The following IL17RA variants were observed in gnomAD, a reference collection of about 807,000 sequenced individuals.
IL17RA encodes interleukin-17 receptor A.
IL17RA carries 34 observed loss-of-function variants against 50.4 expected under a neutral mutation model. That is an observed-to-expected ratio of 0.67 (90% CI 0.51 to 0.90). The LOEUF (loss-of-function observed/expected upper bound fraction) is 0.90, where lower values mean the gene tolerates loss of function less well. IL17RA is among the 40% of genes least tolerant of loss of function. The pLI, the probability that IL17RA is intolerant of heterozygous loss-of-function variation, is 0.00. For synonymous variants in IL17RA, 585 were observed against 510.4 expected (o/e 1.15, Z -1.97); for missense variants, 1,276 against 1,169.8 (o/e 1.09, Z -1.32).
intron 1 of IL17RA, among the ~76,000 whole-genome samples, chr22:17,094,156 G>A (rs2061357423): frequency 6.6e-6 from 1 of 151,776 alleles, no homozygotes; most frequent in South Asian, 2.1e-4. Context: ...GCTAATTTTT[G>A]TATTTTTAGT....
At chr22:17,099,487 T>A (rs2061382103) in intron 4 of IL17RA, among the ~76,000 whole-genome samples, 1 of 152,130 alleles carries the variant, frequency 6.6e-6, no homozygotes, top group Non-Finnish European at 1.5e-5. Context: ...CACCCCAGAC[T>A]TCCCAGGCCA....
rs1441476450 is a variant in IL17RA at position 17,109,338 on chromosome 22, G to A, written c.2119G>A (p.Gly707Ser). The A allele has an allele frequency of 6.4e-6, 10 of 1,573,282 alleles. No homozygotes were observed. Among genetic ancestry groups the A allele is most frequent in the Non-Finnish European group, 8.6e-6 (10 of 1,163,148 alleles). Residue 707 changes from glycine (G) to serine (S), a missense_variant, in exon 13 of 13, where the codon GGC (glycine) becomes AGC (serine). Physicochemically the swap from Gly to Ser is moderately conservative, Grantham distance 56. Coordinates refer to ENST00000319363, the MANE Select transcript of IL17RA (RefSeq NM_014339.7). ...AGEGEACPLL[G>S]SPGAGRNSVL... ...GGAGGGCGAGGCCTGCCCGCTGCTG[G>A]GCAGCCCGGGCGCTGGGCGAAATAG...
Position 17,085,238 on chromosome 22 carries a change from C to T in IL17RA, c.138+9C>T, listed in dbSNP as rs1473211418. ...TGGTCTGCTCCCAGCCGGTGAGACT[C>T]GACGTGGGGAGCGGTAGCCGCCAGG... On this transcript the variant is annotated intron_variant, in intron 1 of 12. Transcript: ENST00000319363. 3.3e-6 allele frequency: 5 copies of T among 1,538,214 alleles called. No individual in the cohort carries two copies. Among genetic ancestry groups the T allele is most frequent in the East Asian group, 2.5e-5 (1 of 40,694 alleles).
chr22:17,109,705 C>A lies in IL17RA; in HGVS notation c.2486C>A (p.Ser829Tyr). 6.3e-7 allele frequency: 1 copy of A among 1,591,166 alleles called. No homozygotes were observed. The highest frequency in any genetic ancestry group is 8.5e-7 in the Non-Finnish European group (1 of 1,169,682). Residue 829 changes from serine to tyrosine, a missense_variant, in exon 13 of 13, where the codon TCT (serine) becomes TAT (tyrosine). By Grantham distance (144) the Ser-to-Tyr change is moderately radical (BLOSUM62 -2). Coordinates refer to ENST00000319363, the MANE Select transcript of IL17RA (RefSeq NM_014339.7). ...QDPGKPALPL[S>Y]PEDLESLRSL... ...CCAGGGAAGCCGGCCCTGCCACTCT[C>A]TCCCGAGGACCTGGAGAGCCTGAGG...
In IL17RA at chr22:17,108,880, C is replaced by T. The variant is rs1423239651; in HGVS notation, c.1661C>T (p.Ser554Leu). ...CGCATGCACCGCGTAGGGGAGCTGTCGGGGGACAACTACCTGCGGAGCCCG... is the reference window on the plus strand; with the variant it reads ...CGCATGCACCGCGTAGGGGAGCTGTTGGGGGACAACTACCTGCGGAGCCCG... ...PGRMHRVGEL[S>L]GDNYLRSPGG... The change falls in exon 13 of 13, where the codon TCG (serine) becomes TTG (leucine). Residue 554 changes from serine to leucine, a missense_variant. By Grantham distance (145) the Ser-to-Leu change is moderately radical. Coordinates refer to ENST00000319363, the MANE Select transcript of IL17RA (RefSeq NM_014339.7). The T allele has an allele frequency of 6.2e-7, 1 of 1,610,566 alleles. No individual in the cohort carries two copies. Among genetic ancestry groups the T allele is most frequent in the South Asian group, 1.1e-5 (1 of 90,648 alleles).
In IL17RA at chr22:17,104,916, G is replaced by A. The variant is rs767379269; in HGVS notation, c.931+106G>A. ...GGTTCTGAGGGGTGATTAGGGAGGAGAGTTTAGTTTAACTTGGAGTCCTTC... is the reference window on the plus strand; with the variant it reads ...GGTTCTGAGGGGTGATTAGGGAGGAAAGTTTAGTTTAACTTGGAGTCCTTC... On this transcript the variant is annotated intron_variant, in intron 9 of 12. Transcript: ENST00000319363. 3.5e-4 allele frequency: 377 copies of A among 1,089,246 alleles called. 1 individual carries two copies. Among genetic ancestry groups the A allele is most frequent in the Middle Eastern group, 2.0e-4 (1 of 5,120 alleles). The allele number at this position is 1,089,246 out of a possible 1,614,324, so 67.5% of individuals were successfully genotyped here.
rs1300567909 is a variant in IL17RA, at chr22:17,109,229, C to A, written c.2010C>A (p.Leu670=). Residue 670 remains leucine, a synonymous_variant, in exon 13 of 13, where the codon CTC becomes CTA. Transcript: ENST00000319363. ...CGCAGCCCCTCCACACCCTGGTGCTCGCCGCAGAGGAGGGGGCCCTGGTGG... is the reference window on the plus strand; with the variant it reads ...CGCAGCCCCTCCACACCCTGGTGCTAGCCGCAGAGGAGGGGGCCCTGGTGG... ...PAPQPLHTLV[L]AAEEGALVAA... 6.7e-7 allele frequency: 1 copy of A among 1,494,520 alleles called. No individual in the cohort carries two copies. The highest frequency in any genetic ancestry group is 8.9e-7 in the Non-Finnish European group (1 of 1,127,684). 92.6% of individuals were successfully genotyped at this position (1,494,520 alleles called of 1,614,324 possible).
rs1342292695 is a variant in IL17RA at position 17,110,483 on chromosome 22, G to C, written c.*663G>C. 2 of 139,538 alleles carry C rather than the reference G, an allele frequency of 1.4e-5. No homozygotes were observed. The highest frequency in any genetic ancestry group is 1.5e-4 in the Admixed American group (2 of 13,676). The allele number at this position is 139,538 out of a possible 1,614,324, so 8.6% of individuals were successfully genotyped here. A position where few individuals can be genotyped will look rare whatever the true frequency, so the allele number is the denominator to read the frequency against. ...ATTGCACTGCAGCCTGGATGACAGAGCGAGACTCTATCTCAAAAAAAAAAA... is the reference window on the plus strand; with the variant it reads ...ATTGCACTGCAGCCTGGATGACAGACCGAGACTCTATCTCAAAAAAAAAAA... On this transcript the variant is annotated 3_prime_UTR_variant, in exon 13 of 13. Transcript: ENST00000319363.
chr22:17,093,754 CTTA>C (rs1222663955), intron 1 of IL17RA: 2 of 192,114 alleles, frequency 1.0e-5, no homozygotes, highest in Non-Finnish European at 2.3e-5. Context: ...TGGAACGTTC[CTTA>C]TTCCTTTGGT....
At position 17,108,622 on chromosome 22, in the gene IL17RA, G is replaced by C. The variant is rs768702255; in HGVS notation, c.1403G>C (p.Arg468Pro). 1.9e-6 allele frequency: 3 copies of C among 1,604,704 alleles called. No individual in the cohort carries two copies. The highest frequency in any genetic ancestry group is 4.5e-5 in the East Asian group (2 of 44,854). The part of the protein sequence containing the change: ...LLGRGAPVRL[R>P]CDHGKPVGDL... ...GGCCGGGGGGCGCCTGTGCGGCTGC[G>C]CTGCGACCACGGAAAGCCCGTGGGG... Residue 468 changes from arginine (R) to proline (P), a missense_variant, in exon 13 of 13, where the codon CGC (arginine) becomes CCC (proline). Physicochemically the swap from Arg to Pro is moderately radical, Grantham distance 103. Transcript: ENST00000319363.
chr22:17,100,141 T>TAAAAAAAAAAAA (rs35718705), intron 4 of IL17RA, among the ~76,000 whole-genome samples: 5 of 121,554 alleles, frequency 4.1e-5, no homozygotes, highest in East Asian at 2.3e-4. Context: ...GATCCAGGTT[T>TAAAAAAAAAAAA]AAAAAAAAAA....
chr22:17,085,483 C>T (rs372137206), intron 1 of IL17RA, among the ~76,000 whole-genome samples: 3 of 152,186 alleles, frequency 2.0e-5, no homozygotes, highest in East Asian at 3.9e-4. Context: ...CACAACCTGG[C>T]CCGCCGTCGT....
At chr22:17,094,112 TA>T (rs1409558932) in intron 1 of IL17RA, among the ~76,000 whole-genome samples, 2 of 152,074 alleles carry the variant, frequency 1.3e-5, no homozygotes, top group African/African-American at 2.4e-5. Flanking sequence ...GCCTCTCAAA[TA>T]GCTGGGACTA....
chr22:17,104,638 A>G, intron 8 of IL17RA, 88 bp from the exon 9 acceptor site: 2 of 1,173,824 alleles, frequency 1.7e-6, no homozygotes, highest in Non-Finnish European at 2.5e-6. Context: ...GCCAGCCAGG[A>G]TCCCCTCCTC....
intron 5 of IL17RA, among the ~76,000 whole-genome samples, chr22:17,101,362 C>T (rs1010385999): frequency 2.5e-4 from 38 of 152,340 alleles, no homozygotes; most frequent in South Asian, 6.2e-4. Flanking sequence ...TGCACACACG[C>T]GTGCACACAC....
At chr22:17,101,946 G>C in intron 5 of IL17RA, 50 bp from the exon 6 acceptor site, 1 of 1,611,500 alleles carries the variant, frequency 6.2e-7, no homozygotes, top group Non-Finnish European at 8.5e-7. Flanking sequence ...TGGAAGAACA[G>C]ATTTCTGAAG....
intron 3 of IL17RA, among the ~76,000 whole-genome samples, chr22:17,098,174 C>G (rs1317788508): frequency 2.0e-5 from 3 of 152,178 alleles, no homozygotes; most frequent in Non-Finnish European, 4.4e-5. Context: ...TTCCTTCAAC[C>G]TAATATTTTT....
At position 17,090,760 on chromosome 22, in the gene IL17RA, A is replaced by G. The variant is rs372248769; in HGVS notation, c.138+5531A>G. Reference sequence around the variant, plus strand: ...TAAATTAATAGTCAGCATTTATATAACAATTAAGTAATCTTCACTGCTGAG... The same window carrying G: ...TAAATTAATAGTCAGCATTTATATAGCAATTAAGTAATCTTCACTGCTGAG... On this transcript the variant is annotated intron_variant, in intron 1 of 12. Coordinates refer to ENST00000319363, the MANE Select transcript of IL17RA (RefSeq NM_014339.7). Among the ~76,000 whole-genome samples the G allele has an allele frequency of 1.4e-4, 22 of 152,318 alleles. No homozygotes were observed. The East Asian group carries it at 4.0e-3, about 28-fold the overall frequency.
intron 1 of IL17RA, among the ~76,000 whole-genome samples, chr22:17,089,875 C>A (rs58549962): frequency 0.04 from 5,602 of 138,778 alleles, 335 homozygotes; most frequent in African/African-American, 0.14. Flanking sequence ...AACAAACAAA[C>A]AAAAAAAAAA....
Sources: allele counts gnomAD v4.1 joint callset (sites outside exome capture counted in the v4.1 genomes callset), GRCh38; gene constraint gnomAD v4.1.1; transcripts MANE v1.5; gene names NCBI Gene and HGNC (gene_info 2026-07-23, HGNC 2026-07-21).